The following EFTUD2 variants were observed in gnomAD, a reference collection of about 807,000 sequenced individuals.
EFTUD2 encodes the protein elongation factor Tu GTP binding domain containing 2.
In EFTUD2, 9 loss-of-function variants were observed where a neutral mutation model predicts 114.3. The ratio of observed to expected loss-of-function variants is 0.08; its 90% confidence interval spans 0.05 to 0.14. The LOEUF (loss-of-function observed/expected upper bound fraction) is 0.14. Ranked by LOEUF, EFTUD2 falls within the 10% of genes least tolerant of loss-of-function variation. The pLI, the probability that EFTUD2 is intolerant of heterozygous loss-of-function variation, is 1.00. For synonymous variants in EFTUD2, 449 were observed against 462.3 expected (o/e 0.97, Z 0.37); for missense variants, 765 against 1,241.2 (o/e 0.62, Z 5.76).
chr17:44,894,327 G>A (rs754777724), intron 2 of EFTUD2, 90 bp downstream of exon 2: 29 of 1,080,470 alleles, frequency 2.7e-5, no homozygotes, highest in Non-Finnish European at 2.9e-5. Flanking sequence ...CTGAGATTGC[G>A]CCACTGCACT....
intron 2 of EFTUD2, among the ~76,000 whole-genome samples, chr17:44,889,550 T>C (rs2051240462): frequency 6.6e-6 from 1 of 152,186 alleles, no homozygotes; most frequent in Non-Finnish European, 1.5e-5. Context: ...GATTAGTTTC[T>C]AGTAGACAGA....
intron 17 of EFTUD2, 63 bp from the exon 18 acceptor site, chr17:44,860,108 G>T (rs2050629529): frequency 6.2e-7 from 1 of 1,610,364 alleles, no homozygotes; most frequent in Non-Finnish European, 8.5e-7. Flanking sequence ...AAGTGCAGAG[G>T]TATGAGAAGA....
intron 2 of EFTUD2, among the ~76,000 whole-genome samples, chr17:44,891,511 G>A (rs2051278276): frequency 6.6e-6 from 1 of 152,046 alleles, no homozygotes; most frequent in Non-Finnish European, 1.5e-5. Flanking sequence ...CACCATGCTT[G>A]GCTAATTTTT....
At position 44,894,408 on chromosome 17, in the gene EFTUD2, T is replaced by G. The variant is rs780070703; in HGVS notation, c.105+9A>C. 1.6e-5 allele frequency: 25 copies of G among 1,579,626 alleles called. No homozygotes were observed. The highest frequency in any genetic ancestry group is 6.7e-5 in the Admixed American group (4 of 59,924). ...AGAGTGAGATAAAAGAGCAATATAT[T>G]TGTTTTACCTCATCAAGATCTTTGG... On this transcript the variant is annotated intron_variant, in intron 2 of 27. Transcript: ENST00000426333.
chr17:44,860,039 T>C lies in EFTUD2; in HGVS notation c.1726A>G (p.Ile576Val), dbSNP rs773758023. 1.7e-5 allele frequency: 28 copies of C among 1,613,930 alleles called. No homozygotes were observed. Among genetic ancestry groups the C allele is most frequent in the Non-Finnish European group, 2.4e-5 (28 of 1,180,024 alleles). ...GTATTGAACTTCAAGGGTCGGAAAA[T>C]CTGAGCCTGAGATCCAAAGCACAAA... is the stretch of plus-strand genomic sequence containing the variant. ...TEPRGNEEAQ[I>V]FRPLKFNTTS... is the part of the protein sequence containing the mutation. The change falls in exon 18 of 28, where the codon ATT becomes GTT. Residue 576 changes from isoleucine to valine, a missense_variant. This residue lies in a region of EFTUD2 where 149 missense variants were observed against 245.1 expected (regional missense o/e 0.61). Transcript: ENST00000426333.
At chr17:44,855,402 A>G (rs1597790345) in intron 20 of EFTUD2, among the ~76,000 whole-genome samples, 1 of 152,134 alleles carries the variant, frequency 6.6e-6, no homozygotes, top group South Asian at 2.1e-4. Context: ...CTCTACTAAA[A>G]TACAAAAAAT....
At chr17:44,873,087 CGAGCATCT>C (rs1567743142) in intron 10 of EFTUD2, 2 of 152,554 alleles carry the variant, frequency 1.3e-5, no homozygotes, top group African/African-American at 4.8e-5. Context: ...GCAGAAACCA[CGAGCATCT>C]GAGTTCACTA....
At chr17:44,887,848 C>G (rs747408600) in intron 2 of EFTUD2, among the ~76,000 whole-genome samples, 1 of 152,148 alleles carries the variant, frequency 6.6e-6, no homozygotes, top group Non-Finnish European at 1.5e-5. Context: ...TACAAATTAA[C>G]CCATAGTCAT....
intron 9 of EFTUD2, among the ~76,000 whole-genome samples, chr17:44,877,302 G>A (rs758037635): frequency 2.2e-4 from 34 of 152,294 alleles, no homozygotes; most frequent in Non-Finnish European, 4.6e-4. Flanking sequence ...TGAAAGTAAG[G>A]AAGTGCTCAA....
chr17:44,890,269 C>G (rs1290481863), intron 2 of EFTUD2, among the ~76,000 whole-genome samples: 2 of 152,074 alleles, frequency 1.3e-5, no homozygotes, highest in Non-Finnish European at 1.5e-5. Context: ...ATCTGCCCAC[C>G]TCAGCCTCCC....
At chr17:44,882,379 G>A (rs1018369030) in intron 6 of EFTUD2, among the ~76,000 whole-genome samples, 1 of 152,118 alleles carries the variant, frequency 6.6e-6, no homozygotes, top group Non-Finnish European at 1.5e-5. Context: ...AGCCCCTTGA[G>A]TAGCTGGGAC....
At chr17:44,875,319 A>C (rs969734880) in intron 10 of EFTUD2, among the ~76,000 whole-genome samples, 4 of 152,164 alleles carry the variant, frequency 2.6e-5, no homozygotes, top group East Asian at 1.9e-4. Flanking sequence ...TCACGAGCTC[A>C]GAAGGTCAAG....
chr17:44,874,035 CTTTTTTTTTT>C (rs35563732), intron 10 of EFTUD2, among the ~76,000 whole-genome samples: 11 of 115,476 alleles, frequency 9.5e-5, no homozygotes, highest in African/African-American at 2.6e-4. Context: ...TGCCCGGCCT[CTTTTTTTTTT>C]TTTTTTTTTT....
In EFTUD2 at chr17:44,859,873, GGCTTGGCGGCTGCT is replaced by G; in HGVS notation, c.1860+18_1860+31del. 2 of 1,613,418 alleles carry G rather than the reference GGCTTGGCGGCTGCT, an allele frequency of 1.2e-6. No homozygotes were observed. The highest frequency in any genetic ancestry group is 1.7e-6 in the Non-Finnish European group (2 of 1,179,846). ...CTGCCCATTCAGCTGGGGATAGTGG[GGCTTGGCGGCTGCT>G]GCAGGCCATGGGCATACCTTGGTGG... On this transcript the variant is annotated intron_variant, in intron 18 of 27. Coordinates refer to ENST00000426333, the MANE Select transcript of EFTUD2 (RefSeq NM_004247.4).
intron 19 of EFTUD2, among the ~76,000 whole-genome samples, chr17:44,858,242 C>T (rs1369011852): frequency 2.0e-5 from 3 of 151,788 alleles, no homozygotes; most frequent in Non-Finnish European, 2.9e-5. Context: ...TTTTTCAATG[C>T]ATTTATTTTT....
At position 44,850,570 on chromosome 17, in the gene EFTUD2, T is replaced by C; in HGVS notation, c.*704A>G. The stretch of plus-strand genomic sequence containing the variant: ...AGTAAATGGCTGGAAATCAAAGTGC[T>C]CTGGCCCCCTACTCCAGGGCAAGGA... On this transcript the variant is annotated 3_prime_UTR_variant, in exon 28 of 28. Transcript: ENST00000426333. 1.8e-6 allele frequency: 1 copy of C among 550,678 alleles called. No homozygotes were observed. Among genetic ancestry groups the C allele is most frequent in the Non-Finnish European group, 3.3e-6 (1 of 304,570 alleles). 34.1% of individuals were successfully genotyped at this position (550,678 alleles called of 1,614,324 possible). A position where few individuals can be genotyped will look rare whatever the true frequency, so the allele number is the denominator to read the frequency against.
intron 26 of EFTUD2, 50 bp downstream of exon 26, chr17:44,852,359 G>T: frequency 1.2e-6 from 2 of 1,609,318 alleles, no homozygotes; most frequent in Non-Finnish European, 1.7e-6. Flanking sequence ...AAGGGGATGA[G>T]GCTTGCAGAG....
At chr17:44,895,315 G>A (rs534573585) in intron 1 of EFTUD2, among the ~76,000 whole-genome samples, 92 of 152,298 alleles carry the variant, frequency 6.0e-4, no homozygotes, top group African/African-American at 2.1e-3. Context: ...GGCCAACATG[G>A]CAAAACGCTG....
At chr17:44,876,875 A>C (rs943637803) in intron 9 of EFTUD2, among the ~76,000 whole-genome samples, 5 of 144,648 alleles carry the variant, frequency 3.5e-5, no homozygotes, top group Non-Finnish European at 6.2e-5. Context: ...AAAAAAAAAA[A>C]AAAAAACTAC....
Sources: gnomAD v4.1 joint callset for allele counts (sites outside exome capture counted in the v4.1 genomes callset) on GRCh38, gnomAD v4.1.1 for gene constraint, gnomAD v4.1.1 regional missense constraint, MANE v1.5 for transcripts, NCBI Gene and HGNC (gene_info 2026-07-23, HGNC 2026-07-21) for gene names.